The following ABCD3 variants were observed in gnomAD, a reference collection of about 807,000 sequenced individuals.
ABCD3 encodes the protein ATP-binding cassette sub-family D member 3.
A neutral mutation model predicts 105.5 loss-of-function variants in ABCD3; 41 were observed. The observed-to-expected ratio is 0.39, with a 90% CI of 0.30 to 0.50. The LOEUF (loss-of-function observed/expected upper bound fraction) is 0.50. Among genes scored for constraint, ABCD3 ranks in the 20% least tolerant of loss-of-function variants. ABCD3 has a pLI of 0.84. For missense variants in ABCD3, 622 were observed against 806.3 expected (o/e 0.77, Z 2.77); for synonymous variants, 258 against 269.0 (o/e 0.96, Z 0.40).
At chr1:94,436,390 C>T (rs1252700725) in intron 1 of ABCD3, among the ~76,000 whole-genome samples, 1 of 152,166 alleles carries the variant, frequency 6.6e-6, no homozygotes, top group Non-Finnish European at 1.5e-5. Flanking sequence ...CAGTGTTCTC[C>T]AAATAATAAT....
intron 21 of ABCD3, among the ~76,000 whole-genome samples, chr1:94,510,623 C>G (rs1050285987): frequency 6.6e-6 from 1 of 152,074 alleles, no homozygotes; most frequent in African/African-American, 2.4e-5. Flanking sequence ...GTGTGGGAGT[C>G]TAAGTCTCTT....
At chr1:94,424,249 C>G (rs962782857) in intron 1 of ABCD3, among the ~76,000 whole-genome samples, 19 of 152,100 alleles carry the variant, frequency 1.2e-4, no homozygotes, top group African/African-American at 4.6e-4. Flanking sequence ...GTCCCAGTTA[C>G]TGGCACATTC....
chr1:94,502,245 T>A (rs1650133115), intron 20 of ABCD3, among the ~76,000 whole-genome samples: 1 of 152,218 alleles, frequency 6.6e-6, no homozygotes, highest in African/African-American at 2.4e-5. Flanking sequence ...TATCCTTCTC[T>A]CATTTTTCAT....
At chr1:94,401,364 T>A in the ABCD3 span, among the ~76,000 whole-genome samples, 6 of 152,226 alleles carry the variant, frequency 3.9e-5, no homozygotes, top group African/African-American at 1.4e-4. Context: ...ATGCCCCAAT[T>A]CTACAGGAAT....
At chr1:94,451,908 C>T (rs917830056) in intron 1 of ABCD3, among the ~76,000 whole-genome samples, 1 of 152,210 alleles carries the variant, frequency 6.6e-6, no homozygotes, top group Non-Finnish European at 1.5e-5. Context: ...TTCTCTCCCT[C>T]TCATTTCCAT....
chr1:94,510,146 T>A (rs1650590047), intron 21 of ABCD3, among the ~76,000 whole-genome samples: 1 of 152,192 alleles, frequency 6.6e-6, no homozygotes, highest in Admixed American at 6.6e-5. Context: ...AATTTCCCTC[T>A]ACACACTGCT....
chr1:94,420,264 C>T (rs957451001), intron 1 of ABCD3, among the ~76,000 whole-genome samples: 4 of 152,162 alleles, frequency 2.6e-5, no homozygotes, highest in Non-Finnish European at 5.9e-5. Flanking sequence ...CTCATGCCCC[C>T]ATCCAGTCAC....
At chr1:94,416,629 C>G (rs551931605), upstream of ABCD3, among the ~76,000 whole-genome samples, 1 of 152,188 alleles carries the variant, frequency 6.6e-6, no homozygotes, top group Non-Finnish European at 1.5e-5. Flanking sequence ...TTTCCCTAGG[C>G]TAGCCATAGA....
chr1:94,485,608 T>A (rs1649242128), intron 10 of ABCD3, among the ~76,000 whole-genome samples: 1 of 152,172 alleles, frequency 6.6e-6, no homozygotes, highest in African/African-American at 2.4e-5. Context: ...TTATTGAAGC[T>A]TTGTCTTCTC....
At chr1:94,427,928 T>C (rs1188077755) in intron 1 of ABCD3, among the ~76,000 whole-genome samples, 1 of 152,212 alleles carries the variant, frequency 6.6e-6, no homozygotes, top group Non-Finnish European at 1.5e-5. Context: ...GTTTTAGGCA[T>C]CTCTGTCAAG....
intron 1 of ABCD3, among the ~76,000 whole-genome samples, chr1:94,454,373 A>G (rs1454418851): frequency 6.6e-6 from 1 of 152,206 alleles, no homozygotes; most frequent in Non-Finnish European, 1.5e-5. Context: ...GCTTATGTTC[A>G]GTATGGAATA....
chr1:94,473,534 A>G (rs922255404), intron 4 of ABCD3, among the ~76,000 whole-genome samples: 1 of 152,220 alleles, frequency 6.6e-6, no homozygotes, highest in Admixed American at 6.5e-5. Flanking sequence ...ATAATTAGTT[A>G]TCATTCTGTT....
At chr1:94,472,035 A>G (rs894829076) in intron 4 of ABCD3, 1 of 166,260 alleles carries the variant, frequency 6.0e-6, no homozygotes, top group Non-Finnish European at 1.2e-5. Flanking sequence ...ATAAAAATAT[A>G]TTTTATTTTC....
At chr1:94,417,808 C>A (rs1239078228), upstream of ABCD3, among the ~76,000 whole-genome samples, 1 of 152,240 alleles carries the variant, frequency 6.6e-6, no homozygotes, top group Non-Finnish European at 1.5e-5. Context: ...TCTACCAAAC[C>A]AATTTCACAA....
At chr1:94,398,932 C>CA in the ABCD3 span, among the ~76,000 whole-genome samples, 15 of 149,966 alleles carry the variant, frequency 1.0e-4, no homozygotes, top group South Asian at 6.4e-4. Flanking sequence ...AAAAAACAAA[C>CA]AAACAAAAAA....
At chr1:94,472,489 G>T (rs1275912000) in intron 4 of ABCD3, among the ~76,000 whole-genome samples, 8 of 150,950 alleles carry the variant, frequency 5.3e-5, no homozygotes, top group African/African-American at 9.7e-5. Context: ...CTTTTTAGGG[G>T]CTATATAAAC....
At chr1:94,444,505 T>C (rs746538900) in intron 1 of ABCD3, among the ~76,000 whole-genome samples, 1 of 152,166 alleles carries the variant, frequency 6.6e-6, no homozygotes. Context: ...CTGGACAACA[T>C]GTTGAACCTT....
upstream of ABCD3, among the ~76,000 whole-genome samples, chr1:94,417,275 T>A (rs1239583020): frequency 7.2e-5 from 11 of 152,238 alleles, no homozygotes; most frequent in Admixed American, 7.2e-4. Context: ...TTTGTGATCC[T>A]CATAACCTGT....
rs1295683435 is a variant in ABCD3, at chr1:94,514,155, C to A, written c.1846-991C>A. On this transcript the variant is annotated intron_variant, in intron 21 of 22. Coordinates refer to ENST00000370214, the MANE Select transcript of ABCD3 (RefSeq NM_002858.4). ...CATGCATTTGCCAGCCTTGAGTGAT[C>A]CACTTGGAGGAACAGTGACCCAGAG... 2.6e-5 allele frequency: 4 copies of A among 152,006 alleles called. No individual in the cohort carries two copies. In the South Asian group the frequency reaches 6.2e-4, roughly 24 times the overall value. 9.4% of individuals were successfully genotyped at this position (152,006 alleles called of 1,614,324 possible).
Sources: allele counts gnomAD v4.1 joint callset (sites outside exome capture counted in the v4.1 genomes callset), GRCh38; gene constraint gnomAD v4.1.1; transcripts MANE v1.5; gene names NCBI Gene and HGNC (gene_info 2026-07-23, HGNC 2026-07-21).